The following MSTO1 variants were observed in gnomAD, a reference collection of about 807,000 sequenced individuals.
The protein encoded by MSTO1 is misato mitochondrial distribution and morphology regulator 1, also known as protein misato homolog 1.
In MSTO1, 24 loss-of-function variants were observed where a neutral mutation model predicts 55.7. The observed-to-expected ratio is 0.43, with a 90% CI of 0.31 to 0.61. The LOEUF (loss-of-function observed/expected upper bound fraction) is 0.61, where lower values mean the gene tolerates loss of function less well. Among genes scored for constraint, MSTO1 ranks in the 20% least tolerant of loss-of-function variants. The probability of loss-of-function intolerance (pLI) is 0.09; values close to 1 mark genes in which losing one functional copy is unlikely to be tolerated. For missense variants in MSTO1, 363 were observed against 625.7 expected, an observed-to-expected ratio of 0.58 and a Z score of 4.48; for synonymous variants, 162 against 252.8, an observed-to-expected ratio of 0.64 and a Z score of 3.41.
chr1:155,591,894 AG>A, the MSTO1 span, among the ~76,000 whole-genome samples: 2,170 of 152,292 alleles, frequency 0.014, 54 homozygotes, highest in African/African-American at 0.05. Context: ...ATGCGGGCCC[AG>A]GAATTTGAGA....
chr1:155,591,294 G>C, the MSTO1 span: 1 of 1,507,166 alleles, frequency 6.6e-7, no homozygotes, highest in Non-Finnish European at 9.0e-7. Flanking sequence ...CTGCGAAGGA[G>C]ATATGCGAAA....
chr1:155,578,804 C>G, the MSTO1 span, among the ~76,000 whole-genome samples: 1 of 150,594 alleles, frequency 6.6e-6, no homozygotes, highest in African/African-American at 2.4e-5. Flanking sequence ...GCCACCGCGC[C>G]CGGCCCTGTG....
At chr1:155,579,766 G>T in the MSTO1 span, among the ~76,000 whole-genome samples, 1 of 152,140 alleles carries the variant, frequency 6.6e-6, no homozygotes, top group Non-Finnish European at 1.5e-5. Context: ...TTCTGAACGA[G>T]TTCAATCCTT....
At chr1:155,578,332 C>CTTTTTTTTT in the MSTO1 span, among the ~76,000 whole-genome samples, 1 of 38,282 alleles carries the variant, frequency 2.6e-5, no homozygotes, top group Non-Finnish European at 6.0e-5. Flanking sequence ...CCATAACTAC[C>CTTTTTTTTT]TTTCTTTTTT....
the MSTO1 span, among the ~76,000 whole-genome samples, chr1:155,598,022 T>C: frequency 2.6e-5 from 4 of 152,076 alleles, no homozygotes; most frequent in African/African-American, 7.2e-5. Context: ...TTCACCATGT[T>C]GCCCAGGCTG....
chr1:155,578,465 A>G, the MSTO1 span, among the ~76,000 whole-genome samples: 1 of 136,912 alleles, frequency 7.3e-6, no homozygotes, highest in Admixed American at 8.4e-5. Context: ...CAGCCTCCCA[A>G]GTAGCTGGAA....
At chr1:155,614,960 T>G, downstream of MSTO1, 2 of 914,314 alleles carry the variant, frequency 2.2e-6, no homozygotes. Flanking sequence ...AATCTTTTGT[T>G]TATTCCACAC....
the MSTO1 span, among the ~76,000 whole-genome samples, chr1:155,593,057 G>A: frequency 1.8e-3 from 268 of 152,096 alleles, no homozygotes; most frequent in African/African-American, 5.8e-3. Flanking sequence ...GATTATAGGC[G>A]TGCAACACCA....
upstream of MSTO1, among the ~76,000 whole-genome samples, chr1:155,607,041 C>T (rs1672947019): frequency 6.6e-6 from 1 of 151,334 alleles, no homozygotes; most frequent in Non-Finnish European, 1.5e-5. Flanking sequence ...ACCATGTTTG[C>T]CAGGCTGGTC....
the MSTO1 span, chr1:155,591,338 T>C: frequency 9.0e-7 from 1 of 1,115,802 alleles, no homozygotes; most frequent in Non-Finnish European, 1.3e-6. Context: ...ATATTAACCA[T>C]CACGGTGATC....
the MSTO1 span, among the ~76,000 whole-genome samples, chr1:155,577,015 CAAAAA>C: frequency 2.6e-4 from 9 of 34,652 alleles, no homozygotes; most frequent in East Asian, 0.012. Context: ...AACTCCGTCT[CAAAAA>C]AAAAAAAAAA....
At chr1:155,601,976 G>A in the MSTO1 span, 101 of 368,176 alleles carry the variant, frequency 2.7e-4, no homozygotes, top group African/African-American at 2.1e-3. Flanking sequence ...GGATGGTCTC[G>A]ATCTCCTGAC....
At chr1:155,592,800 C>T in the MSTO1 span, among the ~76,000 whole-genome samples, 5 of 152,180 alleles carry the variant, frequency 3.3e-5, no homozygotes, top group Non-Finnish European at 5.9e-5. Flanking sequence ...AGTGATCCAC[C>T]CGCCTTGGGC....
At chr1:155,604,002 C>G in the MSTO1 span, among the ~76,000 whole-genome samples, 5 of 152,130 alleles carry the variant, frequency 3.3e-5, no homozygotes, top group African/African-American at 9.7e-5. Context: ...AAGAGAGCAA[C>G]TTTAGTTGCC....
the MSTO1 span, among the ~76,000 whole-genome samples, chr1:155,597,878 G>A: frequency 9.2e-5 from 14 of 151,366 alleles, no homozygotes; most frequent in East Asian, 1.4e-3. Context: ...GTGCCGTGGC[G>A]CGATCTCGGC....
chr1:155,614,963 TTCCACACA>T, downstream of MSTO1: 1 of 882,538 alleles, frequency 1.1e-6, no homozygotes, highest in Non-Finnish European at 1.9e-6. Context: ...CTTTTGTTTA[TTCCACACA>T]GCAAGGTTGA....
the MSTO1 span, among the ~76,000 whole-genome samples, chr1:155,584,273 C>T: frequency 2.0e-5 from 3 of 151,930 alleles, no homozygotes; most frequent in South Asian, 4.1e-4. Context: ...GTGGGAGGAT[C>T]GCTTGAATAC....
chr1:155,564,982 G>A, the MSTO1 span, among the ~76,000 whole-genome samples: 13 of 151,372 alleles, frequency 8.6e-5, no homozygotes, highest in Admixed American at 1.3e-4. Flanking sequence ...TTAGCCGGGC[G>A]TGGTGGTGGG....
the MSTO1 span, among the ~76,000 whole-genome samples, chr1:155,587,933 C>T: frequency 5.3e-5 from 8 of 150,410 alleles, no homozygotes; most frequent in South Asian, 4.2e-4. Context: ...CAGGTGGGCG[C>T]GGTGGCTCAC....
Sources: allele counts gnomAD v4.1 joint callset (sites outside exome capture counted in the v4.1 genomes callset), GRCh38; gene constraint gnomAD v4.1.1; transcripts MANE v1.5; gene names NCBI Gene and HGNC (gene_info 2026-07-23, HGNC 2026-07-21).